STARD9: variants seen among roughly 807,000 people sequenced by gnomAD.
STARD9 encodes the protein StAR related lipid transfer domain containing 9, also known as stAR-related lipid transfer protein 9.
Under a neutral mutation model 399.8 loss-of-function variants are expected in STARD9, and 346 were observed. The observed-to-expected ratio is 0.87, with a 90% CI of 0.79 to 0.95. The LOEUF (loss-of-function observed/expected upper bound fraction) is 0.95, where lower values mean the gene tolerates loss of function less well. Ranked by LOEUF, STARD9 falls within the 40% of genes least tolerant of loss-of-function variation. The pLI is 0.00. For missense variants in STARD9, 5,832 were observed against 5,667.5 expected (o/e 1.03, Z -0.93); for synonymous variants, 2,203 against 2,143.5 (o/e 1.03, Z -0.77).
At chr15:42,712,706 T>TTG (rs985783320) in intron 26 of STARD9, among the ~76,000 whole-genome samples, 2 of 152,062 alleles carry the variant, frequency 1.3e-5, no homozygotes, top group Admixed American at 6.6e-5. Context: ...ACCACACTTT[T>TTG]TGTGTGTGTG....
At chr15:42,598,219 G>A (rs536179504) in intron 3 of STARD9, among the ~76,000 whole-genome samples, 57 of 150,732 alleles carry the variant, frequency 3.8e-4, no homozygotes, top group African/African-American at 1.3e-3. Flanking sequence ...TTTTAGTAGA[G>A]ACGGGGTTTC....
At position 42,692,937 on chromosome 15, in the gene STARD9, G is replaced by A. The variant is rs1210231179; in HGVS notation, c.11359G>A (p.Ala3787Thr). The A allele has an allele frequency of 1.3e-6, 2 of 1,537,086 alleles. No individual in the cohort carries two copies. The highest frequency in any genetic ancestry group is 3.9e-5 in the Admixed American group (2 of 50,968). The change falls in exon 23 of 33, where the codon GCA becomes ACA. Residue 3787 changes from alanine to threonine, a missense_variant. Physicochemically the swap from Ala to Thr is moderately conservative, Grantham distance 58. Coordinates refer to ENST00000290607, the MANE Select transcript of STARD9 (RefSeq NM_020759.3). ...GCCAGGGGTACCTCAGAAGAGAGAG[G>A]CAGAGGAAACAGCACAGAAAATGGC... ...DVPGVPQKRE[A>T]EETAQKMAQL...
chr15:42,717,678 G>C (rs1455040392), intron 28 of STARD9, 53 bp from the exon 29 acceptor site: 1 of 1,457,794 alleles, frequency 6.9e-7, no homozygotes, highest in African/African-American at 1.4e-5. Context: ...ACTAACCCAG[G>C]GGCTTAGTTT....
chr15:42,633,793 C>T (rs2059373759), intron 3 of STARD9, among the ~76,000 whole-genome samples: 1 of 151,918 alleles, frequency 6.6e-6, no homozygotes, highest in African/African-American at 2.4e-5. Context: ...TAGGTGCCCG[C>T]CACCATGCCT....
At chr15:42,675,610 T>G (rs185718696) in intron 18 of STARD9, 54 bp from the exon 19 acceptor site, 3 of 1,352,284 alleles carry the variant, frequency 2.2e-6, no homozygotes, top group African/African-American at 2.9e-5. Context: ...ACACATAGTA[T>G]GTACTCCAAA....
intron 8 of STARD9, 35 bp downstream of exon 8, chr15:42,651,120 C>G: frequency 7.2e-7 from 1 of 1,394,846 alleles, no homozygotes. Context: ...ATTCTTTTAT[C>G]CTCACACTCC....
At chr15:42,576,049 C>T (rs1178708003) in intron 1 of STARD9, among the ~76,000 whole-genome samples, 1 of 152,216 alleles carries the variant, frequency 6.6e-6, no homozygotes, top group Non-Finnish European at 1.5e-5. Flanking sequence ...TCGAGGCTTG[C>T]TGCATCGGGT....
intron 7 of STARD9, among the ~76,000 whole-genome samples, chr15:42,646,220 T>G (rs1282617155): frequency 6.6e-6 from 1 of 152,100 alleles, no homozygotes; most frequent in African/African-American, 2.4e-5. Context: ...AAGTCACCAG[T>G]TGCATTAGCC....
intron 3 of STARD9, among the ~76,000 whole-genome samples, chr15:42,594,368 A>G (rs910744055): frequency 1.2e-4 from 19 of 152,200 alleles, no homozygotes; most frequent in African/African-American, 4.3e-4. Context: ...AGTACTGAAC[A>G]TGAGGAGTTT....
rs1400790106 is a variant in STARD9 at position 42,720,420 on chromosome 15, GAGAGGAGGTGAATGAACTCCC to G, written c.*858_*878del. The stretch of plus-strand genomic sequence containing the variant: ...ATTAAACATTGTCCTTTGAGGAAGG[GAGAGGAGGTGAATGAACTCCC>G]AGAGGAGGTGAGTGGCTTGTTGGGA... On this transcript the variant is annotated 3_prime_UTR_variant, in exon 33 of 33. Coordinates refer to ENST00000290607, the MANE Select transcript of STARD9 (RefSeq NM_020759.3). 6.6e-6 allele frequency: 1 copy of G among 152,318 alleles called. No individual in the cohort carries two copies. Among genetic ancestry groups the G allele is most frequent in the Non-Finnish European group, 1.5e-5 (1 of 68,118 alleles). The allele number at this position is 152,318 out of a possible 1,614,324, so 9.4% of individuals were successfully genotyped here. A position where few individuals can be genotyped will look rare whatever the true frequency, so the allele number is the denominator to read the frequency against.
intron 3 of STARD9, among the ~76,000 whole-genome samples, chr15:42,599,282 C>G (rs1188566469): frequency 6.6e-6 from 1 of 152,104 alleles, no homozygotes; most frequent in Admixed American, 6.6e-5. Context: ...TGTGCCTGAA[C>G]CATACTGTTT....
intron 7 of STARD9, among the ~76,000 whole-genome samples, chr15:42,646,560 C>T (rs2141971108): frequency 6.6e-6 from 1 of 152,304 alleles, no homozygotes; most frequent in East Asian, 1.9e-4. Context: ...GCCTTCATAG[C>T]ATTGAAGGGA....
rs2061057412 is a variant in STARD9, at chr15:42,705,525, C to T, written c.13284+9645C>T. ...CTTGACTCACTGCAACCTCCGCCTC[C>T]CAGGTTCAAGCGATTCTTCCTGGCT... On this transcript the variant is annotated intron_variant, in intron 26 of 32. Transcript: ENST00000290607. Among the ~76,000 whole-genome samples the T allele has an allele frequency of 2.0e-5, 3 of 152,016 alleles. No individual in the cohort carries two copies. The South Asian group carries it at 6.2e-4, about 32-fold the overall frequency.
At position 42,684,347 on chromosome 15, in the gene STARD9, C is replaced by A. The variant is rs774053332; in HGVS notation, c.2769C>A (p.Thr923=). 4.6e-6 allele frequency: 7 copies of A among 1,536,422 alleles called. No homozygotes were observed. In the South Asian group the frequency reaches 8.3e-5, roughly 18 times the overall value. ...CCTCAGCTCCAGACGCTTGCCTCAC[C>A]ATGAGTCCCAACTCTGTTGGCATCC... The part of the protein sequence containing the change: ...KGASAPDACL[T]MSPNSVGIQE... The change falls in exon 23 of 33, where the codon ACC becomes ACA. Residue 923 remains threonine (T), a synonymous_variant. Coordinates refer to ENST00000290607, the MANE Select transcript of STARD9 (RefSeq NM_020759.3).
intron 11 of STARD9, 122 bp from the exon 12 acceptor site, chr15:42,663,159 T>C (rs1338852475): frequency 2.1e-6 from 2 of 937,208 alleles, no homozygotes; most frequent in Non-Finnish European, 1.6e-6. Flanking sequence ...AAATATCCTA[T>C]TGTATGCAGA....
In STARD9 at chr15:42,703,652, C is replaced by T. The variant is rs1179470636; in HGVS notation, c.13284+7772C>T. On this transcript the variant is annotated intron_variant, in intron 26 of 32. Transcript: ENST00000290607. ...CCTCCCAAAATACTAGGATTACAGG[C>T]GTGGGCCACCGCGCCTGGCCACATT... 2.6e-5 allele frequency among the ~76,000 whole-genome samples: 4 copies of T among 151,940 alleles called. No individual in the cohort carries two copies. In the South Asian group the frequency reaches 6.2e-4, roughly 24 times the overall value.
At chr15:42,638,170 T>C (rs1409140503) in intron 6 of STARD9, 83 bp downstream of exon 6, 14 of 1,252,504 alleles carry the variant, frequency 1.1e-5, no homozygotes, top group African/African-American at 3.0e-5. Context: ...CTCTCTTTGC[T>C]TCCAGAGTCA....
intron 3 of STARD9, among the ~76,000 whole-genome samples, chr15:42,610,167 C>T (rs2058819471): frequency 6.6e-6 from 1 of 152,154 alleles, no homozygotes; most frequent in African/African-American, 2.4e-5. Context: ...GTAAAAGCAG[C>T]ATAACCATTG....
In STARD9 at chr15:42,689,663, C is replaced by T. The variant is rs2060643486; in HGVS notation, c.8085C>T (p.His2695=). The stretch of plus-strand genomic sequence containing the variant: ...GAGCAAGTGAACCATTTATATGTCA[C>T]TCTAGTTCTTCTGAAATCATAGAGA... ...FAGASEPFIC[H]SSSSEIIEKK... The change falls in exon 23 of 33, where the codon CAC becomes CAT. Residue 2695 remains histidine, a synonymous_variant. Coordinates refer to ENST00000290607, the MANE Select transcript of STARD9 (RefSeq NM_020759.3). The T allele has an allele frequency of 1.3e-6, 2 of 1,537,750 alleles. No individual in the cohort carries two copies. Among genetic ancestry groups the T allele is most frequent in the South Asian group, 1.2e-5 (1 of 84,064 alleles).
Sources: gnomAD v4.1 joint callset for allele counts (sites outside exome capture counted in the v4.1 genomes callset) on GRCh38, gnomAD v4.1.1 for gene constraint, MANE v1.5 for transcripts, NCBI Gene and HGNC (gene_info 2026-07-23, HGNC 2026-07-21) for gene names.